Variants in RC3H1 observed in about 807,000 individuals in gnomAD.
The protein encoded by RC3H1 is roquin-1.
In RC3H1, 50 loss-of-function variants were observed where a neutral mutation model predicts 138.2. The ratio of observed to expected loss-of-function variants is 0.36; its 90% CI spans 0.29 to 0.46. RC3H1 has a LOEUF of 0.46. Ranked by LOEUF, RC3H1 falls within the 20% of genes least tolerant of loss-of-function variation. The probability of loss-of-function intolerance (pLI) is 1.00; values close to 1 mark genes in which losing one functional copy is unlikely to be tolerated. For missense variants in RC3H1, 1,031 were observed against 1,388.1 expected (o/e 0.74, Z 4.09); for synonymous variants, 462 against 489.1 (o/e 0.94, Z 0.73).
In RC3H1 at chr1:173,935,596, A is replaced by T. The variant is rs1054440937; in HGVS notation, c.*3125T>A. The T allele has an allele frequency of 6.6e-6, 1 of 152,216 alleles. No homozygotes were observed. Among genetic ancestry groups the T allele is most frequent in the Non-Finnish European group, 1.5e-5 (1 of 68,044 alleles). 9.4% of individuals were successfully genotyped at this position (152,216 alleles called of 1,614,324 possible). On this transcript the variant is annotated 3_prime_UTR_variant, in exon 20 of 20. Transcript: ENST00000367696. Reference sequence around the variant, plus strand: ...TAAAAAAAAAAATTAAAAAGCCAGAAGCAATTAATACCTTTTCAATTTTGA... The same window carrying T: ...TAAAAAAAAAAATTAAAAAGCCAGATGCAATTAATACCTTTTCAATTTTGA...
At position 173,934,713 on chromosome 1, in the gene RC3H1, A is replaced by T. The variant is rs1347693425; in HGVS notation, c.*4008T>A. 2 of 152,236 alleles carry T rather than the reference A, an allele frequency of 1.3e-5. No homozygotes were observed. Among genetic ancestry groups the T allele is most frequent in the Non-Finnish European group, 2.9e-5 (2 of 68,034 alleles). The allele number at this position is 152,236 out of a possible 1,614,324, so 9.4% of individuals were successfully genotyped here. ...GGCAACTTCACAGAAGTTATTGGCT[A>T]AGCGAATTCATTTGAATGCTCTGTT... On this transcript the variant is annotated 3_prime_UTR_variant, in exon 20 of 20. Transcript: ENST00000367696.
chr1:173,980,206 C>T (rs1310201785), intron 6 of RC3H1, among the ~76,000 whole-genome samples: 2 of 150,072 alleles, frequency 1.3e-5, no homozygotes, highest in African/African-American at 4.9e-5. Flanking sequence ...AACATATTTC[C>T]CAATTCTCAC....
chr1:174,010,516 G>C (rs1661731547), intron 1 of RC3H1, among the ~76,000 whole-genome samples: 1 of 152,112 alleles, frequency 6.6e-6, no homozygotes, highest in African/African-American at 2.4e-5. Flanking sequence ...CCAGGCTCAA[G>C]CAATCCTCCC....
chr1:174,014,880 A>G (rs914723344), intron 1 of RC3H1, among the ~76,000 whole-genome samples: 1 of 152,168 alleles, frequency 6.6e-6, no homozygotes, highest in Non-Finnish European at 1.5e-5. Flanking sequence ...TACTGTATAT[A>G]TGTTTATGAT....
chr1:173,961,652 T>G lies in RC3H1; in HGVS notation c.2202+73A>C, dbSNP rs1456460991. ...GAATTCATCAAAGGGTTATTGTCAT[T>G]GCATAAAAAGTAAGGAATCACAGCA... On this transcript the variant is annotated intron_variant, in intron 12 of 19. Coordinates refer to ENST00000367696, the MANE Select transcript of RC3H1 (RefSeq NM_172071.4). 2.9e-6 allele frequency: 4 copies of G among 1,362,940 alleles called. No individual in the cohort carries two copies. In the African/African-American group the frequency reaches 4.4e-5, roughly 15 times the overall value. 84.4% of individuals were successfully genotyped at this position (1,362,940 alleles called of 1,614,324 possible).
chr1:173,978,353 A>G, intron 7 of RC3H1, 135 bp downstream of exon 7: 1 of 825,214 alleles, frequency 1.2e-6, no homozygotes, highest in Non-Finnish European at 1.8e-6. Flanking sequence ...TAAAATGGAA[A>G]CTTAAAATAC....
chr1:173,976,859 C>T (rs984571758), intron 7 of RC3H1, among the ~76,000 whole-genome samples: 1 of 151,918 alleles, frequency 6.6e-6, no homozygotes, highest in Non-Finnish European at 1.5e-5. Context: ...AAACCTTATT[C>T]CGTAAGCAAT....
At chr1:174,003,387 A>T (rs998538799) in intron 1 of RC3H1, among the ~76,000 whole-genome samples, 14 of 114,770 alleles carry the variant, frequency 1.2e-4, no homozygotes, top group Non-Finnish European at 2.1e-4. Context: ...GACTCCTATC[A>T]CACACACACA....
At chr1:173,977,163 A>T (rs572708500) in intron 7 of RC3H1, among the ~76,000 whole-genome samples, 26 of 152,080 alleles carry the variant, frequency 1.7e-4, no homozygotes, top group African/African-American at 6.3e-4. Flanking sequence ...TGACCTCGTG[A>T]TCCGCCCGCC....
At chr1:173,975,262 G>A (rs544459355) in intron 7 of RC3H1, among the ~76,000 whole-genome samples, 31 of 152,008 alleles carry the variant, frequency 2.0e-4, no homozygotes, top group African/African-American at 7.0e-4. Context: ...CGCCCAGCTA[G>A]TTTTTGTATT....
intron 2 of RC3H1, 52 bp downstream of exon 2, chr1:173,992,695 CACACAGAG>C: frequency 5.0e-6 from 6 of 1,206,020 alleles, no homozygotes; most frequent in Non-Finnish European, 7.2e-6. Flanking sequence ...CACACACACA[CACACAGAG>C]AGAGAGAGAG....
intron 14 of RC3H1, among the ~76,000 whole-genome samples, chr1:173,949,566 G>A (rs953761102): frequency 3.3e-5 from 5 of 151,958 alleles, no homozygotes; most frequent in South Asian, 2.1e-4. Context: ...ATGAGGTTTC[G>A]CCATGTTGCC....
intron 1 of RC3H1, among the ~76,000 whole-genome samples, chr1:174,013,038 T>TA (rs931781757): frequency 1.3e-5 from 2 of 151,082 alleles, no homozygotes; most frequent in African/African-American, 4.9e-5. Flanking sequence ...TTTAGAAAAT[T>TA]AAAAAAAAGA....
chr1:173,974,655 T>G (rs951979239), intron 7 of RC3H1, among the ~76,000 whole-genome samples: 9 of 116,726 alleles, frequency 7.7e-5, no homozygotes, highest in African/African-American at 5.4e-4. Flanking sequence ...AGGAGGGAAT[T>G]AAGTGGAAAA....
chr1:174,001,049 A>AG (rs1305179567), intron 1 of RC3H1, among the ~76,000 whole-genome samples: 1 of 152,218 alleles, frequency 6.6e-6, no homozygotes, highest in African/African-American at 2.4e-5. Context: ...TACTTGGGAC[A>AG]GGCATAAAGA....
At chr1:173,972,402 T>C in intron 8 of RC3H1, 107 bp downstream of exon 8, 2 of 698,744 alleles carry the variant, frequency 2.9e-6, no homozygotes, top group South Asian at 1.9e-5. Context: ...AAAATGTTCA[T>C]GTTATCTTTT....
At chr1:174,018,084 G>A (rs886582766) in intron 1 of RC3H1, among the ~76,000 whole-genome samples, 2 of 152,020 alleles carry the variant, frequency 1.3e-5, no homozygotes, top group Non-Finnish European at 2.9e-5. Flanking sequence ...AGGTAAGGCG[G>A]GAATAACACT....
intron 7 of RC3H1, among the ~76,000 whole-genome samples, chr1:173,976,044 G>T (rs941510409): frequency 6.6e-6 from 1 of 151,452 alleles, no homozygotes; most frequent in Non-Finnish European, 1.5e-5. Flanking sequence ...AAGAGTACAG[G>T]ATATGAAGAT....
At chr1:173,982,632 A>C (rs913852973) in intron 5 of RC3H1, 95 bp downstream of exon 5, 1 of 1,114,666 alleles carries the variant, frequency 9.0e-7, no homozygotes, top group African/African-American at 1.6e-5. Context: ...TTCTGAAAAG[A>C]TACAGGCAAC....
Sources: gnomAD v4.1 joint callset for allele counts (sites outside exome capture counted in the v4.1 genomes callset) on GRCh38, gnomAD v4.1.1 for gene constraint, MANE v1.5 for transcripts, NCBI Gene and HGNC (gene_info 2026-07-23, HGNC 2026-07-21) for gene names.